The following RYR1 variants were observed in gnomAD, a reference collection of about 807,000 sequenced individuals.
The protein encoded by RYR1 is ryanodine receptor 1.
In RYR1, 342 loss-of-function variants were observed where a neutral mutation model predicts 583.5. The ratio of observed to expected loss-of-function variants is 0.59; its 90% confidence interval spans 0.54 to 0.64. The LOEUF (loss-of-function observed/expected upper bound fraction) is 0.64. Ranked by LOEUF, RYR1 falls within the 30% of genes least tolerant of loss-of-function variation. RYR1 has a pLI of 0.00. For synonymous variants in RYR1, 2,791 were observed against 2,822.5 expected, an observed-to-expected ratio of 0.99 and a Z score of 0.35; for missense variants, 6,032 against 6,917.2, an observed-to-expected ratio of 0.87 and a Z score of 4.54.
At chr19:38,503,382 T>TAAG (rs1970291151) in intron 49 of RYR1, among the ~76,000 whole-genome samples, 1 of 152,008 alleles carries the variant, frequency 6.6e-6, no homozygotes, top group African/African-American at 2.4e-5. Flanking sequence ...CTGTCTCTCT[T>TAAG]ATTTTTTCAT....
intron 69 of RYR1, 142 bp from the exon 70 acceptor site, chr19:38,523,773 C>G: frequency 1.8e-6 from 2 of 1,095,054 alleles, no homozygotes; most frequent in Admixed American, 3.8e-5. Context: ...CACCCCGAGC[C>G]AAGGCCTGGA....
intron 63 of RYR1, among the ~76,000 whole-genome samples, chr19:38,513,897 G>A (rs561598323): frequency 6.6e-6 from 1 of 151,984 alleles, no homozygotes; most frequent in South Asian, 2.1e-4. Flanking sequence ...CCTAGAATAG[G>A]AACCTTCTCT....
At chr19:38,585,854 C>G in intron 102 of RYR1, 84 bp from the exon 103 acceptor site, 5 of 1,526,444 alleles carry the variant, frequency 3.3e-6, no homozygotes, top group Non-Finnish European at 4.5e-6. Context: ...GGATGGAGGG[C>G]AAGCCCTGGA....
chr19:38,581,042 G>A (rs534024673), intron 101 of RYR1, among the ~76,000 whole-genome samples: 1 of 151,956 alleles, frequency 6.6e-6, no homozygotes, highest in South Asian at 2.1e-4. Context: ...GGGACTACAG[G>A]CGCATGCCAC....
chr19:38,443,033 G>A lies in RYR1; in HGVS notation c.271-525G>A, dbSNP rs142425284. 4.2e-3 allele frequency among the ~76,000 whole-genome samples: 642 copies of A among 152,254 alleles called. 4 individuals carry two copies. The highest frequency in any genetic ancestry group is 0.014 in the African/African-American group (602 of 41,542). ...CCATGATGGGAGGCATGGTGACATCGAGCAGTCAGATGTCTGCCCCAAGGT... is the reference window on the plus strand; with the variant it reads ...CCATGATGGGAGGCATGGTGACATCAAGCAGTCAGATGTCTGCCCCAAGGT... On this transcript the variant is annotated intron_variant, in intron 3 of 105. Coordinates refer to ENST00000359596, the MANE Select transcript of RYR1 (RefSeq NM_000540.3).
chr19:38,501,008 G>A lies in RYR1; in HGVS notation c.7614+18G>A. On this transcript the variant is annotated intron_variant, in intron 47 of 105. Coordinates refer to ENST00000359596, the MANE Select transcript of RYR1 (RefSeq NM_000540.3). The stretch of plus-strand genomic sequence containing the variant: ...TGGACACGGTGAGCAACCCTGCCCA[G>A]CCTGGCCACCCTCCCCACTTCCACA... 2 of 1,610,942 alleles carry A rather than the reference G, an allele frequency of 1.2e-6. No homozygotes were observed. The highest frequency in any genetic ancestry group is 3.3e-5 in the Admixed American group (2 of 59,770).
chr19:38,549,333 T>C (rs1188949278), intron 89 of RYR1, among the ~76,000 whole-genome samples: 1 of 152,176 alleles, frequency 6.6e-6, no homozygotes, highest in Non-Finnish European at 1.5e-5. Flanking sequence ...GGTTCATGCC[T>C]ATAATCCCAG....
In RYR1 at chr19:38,484,086, G is replaced by A. The variant is rs143337444; in HGVS notation, c.4934+570G>A. 3.7e-3 allele frequency among the ~76,000 whole-genome samples: 561 copies of A among 152,232 alleles called. 6 individuals are homozygous for A. Among genetic ancestry groups the A allele is most frequent in the African/African-American group, 0.013 (543 of 41,516 alleles). On this transcript the variant is annotated intron_variant, in intron 33 of 105. Coordinates refer to ENST00000359596, the MANE Select transcript of RYR1 (RefSeq NM_000540.3). ...TCACACCTGTAATCCCAGCACGTTGGGAGGCTGAGGCAGGCAGGTCACCTG... is the reference window on the plus strand; with the variant it reads ...TCACACCTGTAATCCCAGCACGTTGAGAGGCTGAGGCAGGCAGGTCACCTG...
At chr19:38,578,245 G>C (rs753860659) in intron 99 of RYR1, 41 bp downstream of exon 99, 3 of 1,603,604 alleles carry the variant, frequency 1.9e-6, no homozygotes, top group Non-Finnish European at 1.7e-6. Flanking sequence ...CTCTGCAGGG[G>C]TGGGGCGTTA....
rs1047438928 is a variant in RYR1, at chr19:38,506,295, C to T, written c.8542-8C>T. 4.0e-5 allele frequency: 64 copies of T among 1,613,850 alleles called. 1 individual carries two copies. Among genetic ancestry groups the T allele is most frequent in the Admixed American group, 1.0e-4 (6 of 59,988 alleles). ...AGCCCACCTCCCATCTTCCCCTTGT[C>T]CTCTCAGACCTATGATCCTCGAGAA... On this transcript the variant is annotated splice_polypyrimidine_tract_variant and splice_region_variant and intron_variant, in intron 54 of 105. Transcript: ENST00000359596.
At chr19:38,521,954 C>T (rs1173895878) in intron 67 of RYR1, among the ~76,000 whole-genome samples, 12 of 151,808 alleles carry the variant, frequency 7.9e-5, no homozygotes, top group Non-Finnish European at 1.6e-4. Flanking sequence ...GTGATCTGCC[C>T]GCCTCGGCCT....
intron 37 of RYR1, among the ~76,000 whole-genome samples, 169 bp downstream of exon 37, chr19:38,490,901 A>G (rs1362412832): frequency 1.3e-5 from 2 of 152,244 alleles, no homozygotes; most frequent in Non-Finnish European, 2.9e-5. Flanking sequence ...CAGTTAGACA[A>G]TGCGTGTTTA....
intron 90 of RYR1, among the ~76,000 whole-genome samples, chr19:38,563,665 T>C (rs2145839235): frequency 6.6e-6 from 1 of 152,338 alleles, no homozygotes; most frequent in Admixed American, 6.5e-5. Context: ...GGTCCTATTA[T>C]GCCCATTTTA....
intron 73 of RYR1, 184 bp from the exon 74 acceptor site, chr19:38,528,122 A>G: frequency 1.5e-6 from 1 of 667,684 alleles, no homozygotes. Flanking sequence ...CTGGCCTAGG[A>G]TGGAAACTTA....
chr19:38,528,379 T>C lies in RYR1; in HGVS notation c.10898T>C (p.Val3633Ala). ...TCCAAACAGCGCCGGCGGGCAGTCG[T>C]GGCCTGTTTCCGTATGACGCCCCTG... ...LLSKQRRRAVVACFRMTPLYN... is the reference protein window; with the variant it reads ...LLSKQRRRAVAACFRMTPLYN... The change falls in exon 74 of 106, where the codon GTG becomes GCG. Residue 3633 changes from valine to alanine, a missense_variant. By Grantham distance (64) the Val-to-Ala change is moderately conservative. Transcript: ENST00000359596. The C allele has an allele frequency of 6.2e-7, 1 of 1,614,120 alleles. No individual in the cohort carries two copies. Among genetic ancestry groups the C allele is most frequent in the Non-Finnish European group, 8.5e-7 (1 of 1,180,018 alleles).
At chr19:38,470,782 G>A (rs1018832934) in intron 27 of RYR1, among the ~76,000 whole-genome samples, 1 of 152,180 alleles carries the variant, frequency 6.6e-6, no homozygotes. Context: ...CTCTGCAAAA[G>A]GAGTTTTAAG....
chr19:38,486,260 C>T (rs1969291207), intron 34 of RYR1, 58 bp downstream of exon 34: 2 of 1,606,882 alleles, frequency 1.2e-6, no homozygotes, highest in Admixed American at 3.3e-5. Flanking sequence ...CCCAAAACTC[C>T]AGAGATACAT....
chr19:38,528,940 T>A lies in RYR1; in HGVS notation c.11035-11T>A, dbSNP rs1971608401. 1 of 1,604,600 alleles carries A rather than the reference T, an allele frequency of 6.2e-7. No individual in the cohort carries two copies. On this transcript the variant is annotated splice_polypyrimidine_tract_variant and intron_variant, in intron 75 of 105. Coordinates refer to ENST00000359596, the MANE Select transcript of RYR1 (RefSeq NM_000540.3). ...AGAAACCCTCTCCCCAAGTCTCCCC[T>A]CTCCCACCAGAAAGCTGGGGAGCAG...
intron 31 of RYR1, among the ~76,000 whole-genome samples, chr19:38,481,531 A>AC (rs1429347906): frequency 6.6e-6 from 1 of 151,040 alleles, no homozygotes; most frequent in Non-Finnish European, 1.5e-5. Flanking sequence ...TTCTTTCCCA[A>AC]CCCCCCAGAA....
Sources: gnomAD v4.1 joint callset for allele counts (sites outside exome capture counted in the v4.1 genomes callset) on GRCh38, gnomAD v4.1.1 for gene constraint, MANE v1.5 for transcripts, NCBI Gene and HGNC (gene_info 2026-07-23, HGNC 2026-07-21) for gene names.